The following TANGO6 variants were observed in gnomAD, a reference collection of about 807,000 sequenced individuals.
The protein encoded by TANGO6 is transport and Golgi organization protein 6 homolog.
A neutral mutation model predicts 114.2 loss-of-function variants in TANGO6; 90 were observed. That is an observed-to-expected ratio of 0.79 (90% confidence interval 0.66 to 0.94). The LOEUF is 0.94. Ranked by LOEUF, TANGO6 falls within the 40% of genes least tolerant of loss-of-function variation. TANGO6 has a pLI of 0.00. For missense variants in TANGO6, 1,274 were observed against 1,315.3 expected (o/e 0.97, Z 0.49); for synonymous variants, 477 against 509.8 (o/e 0.94, Z 0.87).
intron 14 of TANGO6, among the ~76,000 whole-genome samples, chr16:68,931,652 A>G (rs974987387): frequency 6.6e-6 from 1 of 152,194 alleles, no homozygotes; most frequent in African/African-American, 2.4e-5. Context: ...ACAAAATACT[A>G]TATTTTATAT....
rs528432304 is a variant in TANGO6 at position 69,076,372 on chromosome 16, G to C, written c.3109-7113G>C. Among the ~76,000 whole-genome samples the C allele has an allele frequency of 5.3e-5, 8 of 152,176 alleles. No individual in the cohort carries two copies. The South Asian group carries it at 1.7e-3, about 32-fold the overall frequency. Reference sequence around the variant, plus strand: ...CTCCCAAAATGCTAGGATTACATGCGTGAGCCACCGTGCCCAGCCTCATTT... The same window carrying C: ...CTCCCAAAATGCTAGGATTACATGCCTGAGCCACCGTGCCCAGCCTCATTT... On this transcript the variant is annotated intron_variant, in intron 17 of 17. Coordinates refer to ENST00000261778, the MANE Select transcript of TANGO6 (RefSeq NM_024562.2).
At chr16:69,007,696 A>G (rs549941881) in intron 15 of TANGO6, among the ~76,000 whole-genome samples, 1 of 152,312 alleles carries the variant, frequency 6.6e-6, no homozygotes, top group South Asian at 2.1e-4. Context: ...CTCTCGAGTC[A>G]TATGGTAACT....
chr16:68,906,158 C>T (rs1022706120), intron 9 of TANGO6, among the ~76,000 whole-genome samples: 5 of 152,004 alleles, frequency 3.3e-5, no homozygotes, highest in Admixed American at 1.3e-4. Context: ...CCAGCCTGGG[C>T]AACAGGAGCG....
At chr16:68,963,494 C>A (rs1316889149) in intron 14 of TANGO6, among the ~76,000 whole-genome samples, 1 of 152,168 alleles carries the variant, frequency 6.6e-6, no homozygotes, top group Non-Finnish European at 1.5e-5. Context: ...AAAGTAGTTT[C>A]TTCTAGTAAT....
chr16:69,049,470 C>T (rs1015335787), intron 17 of TANGO6, among the ~76,000 whole-genome samples: 15 of 150,228 alleles, frequency 1.0e-4, no homozygotes, highest in African/African-American at 3.7e-4. Flanking sequence ...TCGCTCTTGT[C>T]CCCCAAGCTG....
At chr16:68,855,147 C>T (rs1002965325) in intron 1 of TANGO6, among the ~76,000 whole-genome samples, 10 of 150,500 alleles carry the variant, frequency 6.6e-5, no homozygotes, top group African/African-American at 2.4e-4. Context: ...GTGGAGGTTG[C>T]AGTGAGCTGA....
chr16:69,048,616 A>C (rs1281656144), intron 17 of TANGO6, among the ~76,000 whole-genome samples: 2 of 152,152 alleles, frequency 1.3e-5, no homozygotes, highest in African/African-American at 2.4e-5. Context: ...ACATGAGCTC[A>C]GTATTGGACT....
At chr16:68,980,409 C>CTCTATATATATA (rs1408626276) in intron 15 of TANGO6, among the ~76,000 whole-genome samples, 1 of 68,012 alleles carries the variant, frequency 1.5e-5, no homozygotes, top group East Asian at 4.0e-4. Flanking sequence ...CTCTCTCTCT[C>CTCTATATATATA]TATATATATA....
At chr16:68,925,290 A>G (rs1362225954) in intron 12 of TANGO6, among the ~76,000 whole-genome samples, 1 of 152,180 alleles carries the variant, frequency 6.6e-6, no homozygotes, top group African/African-American at 2.4e-5. Flanking sequence ...AGCCTGAGCA[A>G]TAGAGCAAGA....
intron 17 of TANGO6, among the ~76,000 whole-genome samples, chr16:69,052,510 C>T (rs969887659): frequency 1.3e-5 from 2 of 151,794 alleles, no homozygotes; most frequent in Admixed American, 1.3e-4. Flanking sequence ...GAGCCATCTG[C>T]CCACCTCGGC....
chr16:68,868,342 C>G (rs1282758215), intron 4 of TANGO6, among the ~76,000 whole-genome samples: 3 of 151,846 alleles, frequency 2.0e-5, no homozygotes, highest in African/African-American at 7.3e-5. Context: ...GAAAATTAGA[C>G]ATGTACATCA....
chr16:69,078,050 C>A (rs969286667), intron 17 of TANGO6, among the ~76,000 whole-genome samples: 2 of 151,986 alleles, frequency 1.3e-5, no homozygotes, highest in Admixed American at 1.3e-4. Flanking sequence ...TACCTAGGTG[C>A]GGGGGTTAGG....
intron 16 of TANGO6, among the ~76,000 whole-genome samples, chr16:69,023,904 A>T (rs907001581): frequency 5.3e-5 from 8 of 151,738 alleles, no homozygotes; most frequent in African/African-American, 1.7e-4. Flanking sequence ...AGAGTTTTTT[A>T]TTATTATTAT....
chr16:68,884,372 T>G (rs1441706966), intron 7 of TANGO6, among the ~76,000 whole-genome samples: 1 of 152,242 alleles, frequency 6.6e-6, no homozygotes, highest in African/African-American at 2.4e-5. Context: ...AATATAATGC[T>G]GTTTTTATTT....
chr16:68,917,919 A>ATTT lies in TANGO6; in HGVS notation c.1993-1150_1993-1148dup, dbSNP rs542643969. Among the ~76,000 whole-genome samples, 242 of 137,432 alleles carry ATTT rather than the reference A, an allele frequency of 1.8e-3. 3 individuals carry two copies. The highest frequency in any genetic ancestry group is 4.8e-3 in the African/African-American group (177 of 36,862). 90.2% of individuals were successfully genotyped at this position (137,432 alleles called of 152,430 possible). ...AGGCACTTGCCACTATGCCTGGCTA[A>ATTT]TTTTTTTTTTTTTTTTTTGAGATAG... On this transcript the variant is annotated intron_variant, in intron 11 of 17. Coordinates refer to ENST00000261778, the MANE Select transcript of TANGO6 (RefSeq NM_024562.2).
chr16:68,907,573 A>G lies in TANGO6; in HGVS notation c.1798A>G (p.Lys600Glu), dbSNP rs1962870319. The G allele has an allele frequency of 6.2e-7, 1 of 1,611,478 alleles. No individual in the cohort carries two copies. Among genetic ancestry groups the G allele is most frequent in the East Asian group, 2.2e-5 (1 of 44,858 alleles). Residue 600 changes from lysine (K) to glutamate (E), a missense_variant and splice_region_variant, in exon 10 of 18, where the codon AAA becomes GAA. Lys to Glu is a moderately conservative substitution (Grantham distance 56, BLOSUM62 1). Transcript: ENST00000261778. ...AGGAGACTTCTTCATCTTCTGTTTG[A>G]AAGTAAGAACTACCTGTAGTTCCTG... ...LAGDFFIFCL[K>E]ELTHVASENE... is the part of the protein sequence containing the mutation.
intron 16 of TANGO6, among the ~76,000 whole-genome samples, chr16:69,030,767 G>A (rs1959580560): frequency 2.6e-5 from 4 of 152,018 alleles, no homozygotes; most frequent in Non-Finnish European, 4.4e-5. Flanking sequence ...TAAAACAGGT[G>A]AGGGCCGGGC....
In TANGO6 at chr16:68,966,028, T is replaced by C. The variant is rs73562657; in HGVS notation, c.2702-8000T>C. Among the ~76,000 whole-genome samples, 677 of 150,622 alleles carry C rather than the reference T, an allele frequency of 4.5e-3. 2 individuals carry two copies. The highest frequency in any genetic ancestry group is 0.016 in the African/African-American group (639 of 40,934). On this transcript the variant is annotated intron_variant, in intron 14 of 17. Coordinates refer to ENST00000261778, the MANE Select transcript of TANGO6 (RefSeq NM_024562.2). ...GGGGGGATCACTTGAGTCCAGGTGT[T>C]TGAGACCAGCTTAGGTAACATAGTA...
rs1963749271 is a variant in TANGO6 at position 68,975,004 on chromosome 16, G to C, written c.2842+836G>C. Among the ~76,000 whole-genome samples, 3 of 152,000 alleles carry C rather than the reference G, an allele frequency of 2.0e-5. No individual in the cohort carries two copies. In the South Asian group the frequency reaches 6.2e-4, roughly 32 times the overall value. Reference sequence around the variant, plus strand: ...GCCTGGGAGGTCGAGGCTGCAGTGAGCAATGATTGTACCACTGCACTCCAG... The same window carrying C: ...GCCTGGGAGGTCGAGGCTGCAGTGACCAATGATTGTACCACTGCACTCCAG... On this transcript the variant is annotated intron_variant, in intron 15 of 17. Coordinates refer to ENST00000261778, the MANE Select transcript of TANGO6 (RefSeq NM_024562.2).
Sources: gnomAD v4.1 joint callset for allele counts (sites outside exome capture counted in the v4.1 genomes callset) on GRCh38, gnomAD v4.1.1 for gene constraint, MANE v1.5 for transcripts, NCBI Gene and HGNC (gene_info 2026-07-23, HGNC 2026-07-21) for gene names.